The following CCDC80 variants were observed in gnomAD, a reference collection of about 807,000 sequenced individuals.
The protein encoded by CCDC80 is coiled-coil domain containing 80.
Under a neutral mutation model 78.7 loss-of-function variants are expected in CCDC80, and 49 were observed. The ratio of observed to expected loss-of-function variants is 0.62; its 90% confidence interval spans 0.50 to 0.79. CCDC80 has a LOEUF of 0.79. CCDC80 is among the 30% of genes least tolerant of loss of function. The pLI is 0.00. For synonymous variants in CCDC80, 488 were observed against 447.0 expected, an observed-to-expected ratio of 1.09 and a Z score of -1.16; for missense variants, 1,205 against 1,198.6, an observed-to-expected ratio of 1.01 and a Z score of -0.08.
At chr3:112,630,452 T>C (rs1936076187) in intron 2 of CCDC80, among the ~76,000 whole-genome samples, 183 bp from the exon 3 acceptor site, 2 of 152,182 alleles carry the variant, frequency 1.3e-5, no homozygotes, top group Non-Finnish European at 2.9e-5. Flanking sequence ...TCTTTTTGTC[T>C]CCAAGACAGC....
intron 3 of CCDC80, among the ~76,000 whole-genome samples, chr3:112,623,753 G>A (rs1042256087): frequency 1.3e-5 from 2 of 151,586 alleles, no homozygotes; most frequent in African/African-American, 2.4e-5. Flanking sequence ...TCCTCCACAT[G>A]TTATGCTCCA....
rs751781820 is a variant in CCDC80, at chr3:112,610,074, A to C, written c.2329T>G (p.Trp777Gly). The change falls in exon 6 of 8, where the codon TGG becomes GGG. Residue 777 changes from tryptophan to glycine, a missense_variant. By Grantham distance (184) the Trp-to-Gly change is radical (BLOSUM62 -2). Coordinates refer to ENST00000206423, the MANE Select transcript of CCDC80 (RefSeq NM_199511.3). ...GAGATCACCAGCAACCTCCTCCTCC[A>C]CCGGAACCTGGAAAAAAAAAGCAGG... ...SLENFLSRFRWRRRLLVISAP... is the reference protein window; with the variant it reads ...SLENFLSRFRGRRRLLVISAP... 6.2e-7 allele frequency: 1 copy of C among 1,613,130 alleles called. No homozygotes were observed. The highest frequency in any genetic ancestry group is 8.5e-7 in the Non-Finnish European group (1 of 1,179,826).
intron 3 of CCDC80, among the ~76,000 whole-genome samples, chr3:112,620,098 C>T (rs1464159644): frequency 1.3e-5 from 2 of 152,156 alleles, no homozygotes; most frequent in Non-Finnish European, 2.9e-5. Flanking sequence ...TACTACAATA[C>T]TATATCACAG....
At chr3:112,625,039 C>A (rs3914200) in intron 3 of CCDC80, among the ~76,000 whole-genome samples, 36,971 of 151,854 alleles carry the variant, frequency 0.24, 5,021 homozygotes, top group Middle Eastern at 0.43. Context: ...GAATTTTTTT[C>A]CAATTTATAT....
At chr3:112,628,982 C>T (rs752142383) in intron 3 of CCDC80, among the ~76,000 whole-genome samples, 3 of 151,934 alleles carry the variant, frequency 2.0e-5, no homozygotes, top group East Asian at 1.9e-4. Flanking sequence ...GAAGATTTCA[C>T]GTTAAGTGTA....
At chr3:112,626,011 G>T (rs543294464) in intron 3 of CCDC80, among the ~76,000 whole-genome samples, 15 of 152,186 alleles carry the variant, frequency 9.9e-5, no homozygotes, top group African/African-American at 3.6e-4. Context: ...CTTATCTGAT[G>T]ACTACAATTG....
chr3:112,602,068 A>G lies in CCDC80; in HGVS notation c.*3349T>C, dbSNP rs1309471408. 6.6e-6 allele frequency: 1 copy of G among 151,968 alleles called. No individual in the cohort carries two copies. Among genetic ancestry groups the G allele is most frequent in the East Asian group, 1.9e-4 (1 of 5,192 alleles). The allele number at this position is 151,968 out of a possible 1,614,324, so 9.4% of individuals were successfully genotyped here. ...ATCATTTTTGCAATAGTATGTACTC[A>G]CTTTATGTCTCTGTGTCACATTTTG... On this transcript the variant is annotated 3_prime_UTR_variant, in exon 8 of 8. Transcript: ENST00000206423.
Position 112,612,061 on chromosome 3 carries a change from T to TAAAA in CCDC80, c.2322-1984_2322-1981dup, listed in dbSNP as rs374036624. ...TCTGCTTTTTTTTTTTTTTTTTTTT[T>TAAAA]AAAAAGGGAAAGAAAAACTAAAATC... On this transcript the variant is annotated intron_variant, in intron 5 of 7. Coordinates refer to ENST00000206423, the MANE Select transcript of CCDC80 (RefSeq NM_199511.3). Among the ~76,000 whole-genome samples, 49 of 137,534 alleles carry TAAAA rather than the reference T, an allele frequency of 3.6e-4. 1 individual carries two copies. Among genetic ancestry groups the TAAAA allele is most frequent in the Middle Eastern group, 7.5e-3 (2 of 268 alleles). The allele number at this position is 137,534 out of a possible 152,430, so 90.2% of individuals were successfully genotyped here.
At chr3:112,617,232 G>A (rs1201419785) in intron 4 of CCDC80, among the ~76,000 whole-genome samples, 1 of 152,170 alleles carries the variant, frequency 6.6e-6, no homozygotes, top group Non-Finnish European at 1.5e-5. Flanking sequence ...GAAACTAAAT[G>A]GAATAACATG....
intron 3 of CCDC80, among the ~76,000 whole-genome samples, chr3:112,619,484 A>G (rs756443570): frequency 1.3e-5 from 2 of 152,180 alleles, no homozygotes; most frequent in Non-Finnish European, 2.9e-5. Context: ...CAATTTGTTA[A>G]GTTCTGTTTC....
intron 3 of CCDC80, among the ~76,000 whole-genome samples, chr3:112,625,581 T>C (rs1011920053): frequency 2.0e-5 from 3 of 152,176 alleles, no homozygotes; most frequent in African/African-American, 7.2e-5. Flanking sequence ...ATGGGGAAGA[T>C]TGCTATATAC....
Position 112,598,409 on chromosome 3 carries a change from AATT to A in CCDC80, c.*7005_*7007del, listed in dbSNP as rs1935319427. ...TCAACTGTAGTCATCTGAGAGCCAGAATTATTATTGATAGAGGGGCCTGGGAAA... is the reference window on the plus strand; with the variant it reads ...TCAACTGTAGTCATCTGAGAGCCAGAATTATTGATAGAGGGGCCTGGGAAA... On this transcript the variant is annotated 3_prime_UTR_variant, in exon 8 of 8. Coordinates refer to ENST00000206423, the MANE Select transcript of CCDC80 (RefSeq NM_199511.3). 6.6e-6 allele frequency: 1 copy of A among 152,298 alleles called. No individual in the cohort carries two copies. Among genetic ancestry groups the A allele is most frequent in the Non-Finnish European group, 1.5e-5 (1 of 68,126 alleles). 9.4% of individuals were successfully genotyped at this position (152,298 alleles called of 1,614,324 possible). A position where few individuals can be genotyped will look rare whatever the true frequency, so the allele number is the denominator to read the frequency against.
chr3:112,630,625 T>A (rs553757844), intron 2 of CCDC80, among the ~76,000 whole-genome samples: 1 of 152,242 alleles, frequency 6.6e-6, no homozygotes, highest in African/African-American at 2.4e-5. Flanking sequence ...AATGTTATTT[T>A]CCTTCCCTAA....
At position 112,602,223 on chromosome 3, in the gene CCDC80, T is replaced by G. The variant is rs547298516; in HGVS notation, c.*3194A>C. 1 of 152,306 alleles carries G rather than the reference T, an allele frequency of 6.6e-6. No homozygotes were observed. Among genetic ancestry groups the G allele is most frequent in the Admixed American group, 6.5e-5 (1 of 15,304 alleles). 9.4% of individuals were successfully genotyped at this position (152,306 alleles called of 1,614,324 possible). On this transcript the variant is annotated 3_prime_UTR_variant, in exon 8 of 8. Transcript: ENST00000206423. ...ACCACACTTATATAACACAGTAAACTTAATAAATGTGTGTATGTTCTGATT... is the reference window on the plus strand; with the variant it reads ...ACCACACTTATATAACACAGTAAACGTAATAAATGTGTGTATGTTCTGATT...
intron 5 of CCDC80, among the ~76,000 whole-genome samples, chr3:112,615,719 G>A (rs537785678): frequency 5.3e-5 from 8 of 152,236 alleles, no homozygotes; most frequent in African/African-American, 1.9e-4. Flanking sequence ...CAGTAAAGGG[G>A]CCAGCCAAAA....
At position 112,639,929 on chromosome 3, in the gene CCDC80, C is replaced by T. The variant is rs1430409971; in HGVS notation, c.-11-13G>A. ...ATTGTGTAATCCACTTTGCGATGCA[C>T]GGAGGTCATAAAACAAAGGGGAGGG... On this transcript the variant is annotated splice_polypyrimidine_tract_variant and intron_variant, in intron 1 of 7. Transcript: ENST00000206423. 1 of 1,594,732 alleles carries T rather than the reference C, an allele frequency of 6.3e-7. No homozygotes were observed. Among genetic ancestry groups the T allele is most frequent in the East Asian group, 2.2e-5 (1 of 44,498 alleles).
intron 7 of CCDC80, 52 bp downstream of exon 7, chr3:112,607,124 T>A: frequency 1.5e-6 from 2 of 1,363,768 alleles, no homozygotes; most frequent in Non-Finnish European, 1.0e-6. Flanking sequence ...CTTAATGTAA[T>A]TTAACTGAAC....
chr3:112,638,428 G>A lies in CCDC80; in HGVS notation c.1478C>T (p.Pro493Leu). 6.2e-7 allele frequency: 1 copy of A among 1,612,998 alleles called. No individual in the cohort carries two copies. Among genetic ancestry groups the A allele is most frequent in the Non-Finnish European group, 8.5e-7 (1 of 1,179,876 alleles). ...GPPKPAKEKPPKKKAQDKILS... is the reference protein window; with the variant it reads ...GPPKPAKEKPLKKKAQDKILS... ...AATTTTGTCCTGGGCCTTCTTTTTG[G>A]GAGGTTTCTCCTTTGCTGGCTTGGG... The change falls in exon 2 of 8, where the codon CCC (proline) becomes CTC (leucine). Residue 493 changes from proline to leucine, a missense_variant. Transcript: ENST00000206423.
chr3:112,639,523 C>T lies in CCDC80; in HGVS notation c.383G>A (p.Arg128Lys). The change falls in exon 2 of 8, where the codon AGA (arginine) becomes AAA (lysine). Residue 128 changes from arginine to lysine, a missense_variant. Arg to Lys is a conservative substitution (Grantham distance 26). Transcript: ENST00000206423. ...IRDEGSSARS[R>K]MLRFPSGSSS... ...GGACCCCGAAGGGAAACGCAACATT[C>T]TTGACCGAGCTGAGGACCCCTCATC... The T allele has an allele frequency of 6.2e-7, 1 of 1,614,220 alleles. No homozygotes were observed. The highest frequency in any genetic ancestry group is 2.2e-5 in the East Asian group (1 of 44,882).
Sources: gnomAD v4.1 joint callset for allele counts (sites outside exome capture counted in the v4.1 genomes callset) on GRCh38, gnomAD v4.1.1 for gene constraint, MANE v1.5 for transcripts, NCBI Gene and HGNC (gene_info 2026-07-23, HGNC 2026-07-21) for gene names.